Variants in DPYSL5 observed in about 807,000 individuals in gnomAD.
The protein encoded by DPYSL5 is dihydropyrimidinase like 5, also known as dihydropyrimidinase-related protein 5.
In DPYSL5, 9 loss-of-function variants were observed where a neutral mutation model predicts 58.4. That is an observed-to-expected ratio of 0.15 (90% CI 0.09 to 0.27). The LOEUF (loss-of-function observed/expected upper bound fraction) is 0.27, where lower values mean the gene tolerates loss of function less well. Ranked by LOEUF, DPYSL5 falls within the 10% of genes least tolerant of loss-of-function variation. The pLI, the probability that DPYSL5 is intolerant of heterozygous loss-of-function variation, is 1.00. For synonymous variants in DPYSL5, 293 were observed against 301.9 expected, an observed-to-expected ratio of 0.97 and a Z score of 0.31; for missense variants, 499 against 770.6, an observed-to-expected ratio of 0.65 and a Z score of 4.17.
At chr2:26,876,167 C>T (rs991168060) in intron 1 of DPYSL5, among the ~76,000 whole-genome samples, 3 of 152,202 alleles carry the variant, frequency 2.0e-5, no homozygotes, top group Non-Finnish European at 4.4e-5. Context: ...CCAAGTAGGC[C>T]AGGTTACAGA....
At chr2:26,858,800 C>G (rs1665942958) in intron 1 of DPYSL5, among the ~76,000 whole-genome samples, 1 of 150,024 alleles carries the variant, frequency 6.7e-6, no homozygotes, top group Non-Finnish European at 1.5e-5. Context: ...TCTTGAACTG[C>G]TGGTCTCAAG....
chr2:26,922,692 C>G (rs1664733031), intron 2 of DPYSL5, among the ~76,000 whole-genome samples: 2 of 152,310 alleles, frequency 1.3e-5, no homozygotes, highest in Non-Finnish European at 2.9e-5. Context: ...TATACACCCC[C>G]ACGTGCACAT....
chr2:26,918,367 T>A (rs1664626198), intron 2 of DPYSL5, among the ~76,000 whole-genome samples: 1 of 152,118 alleles, frequency 6.6e-6, no homozygotes, highest in African/African-American at 2.4e-5. Context: ...TCACATCCCA[T>A]GGTGATGTTC....
At position 26,877,658 on chromosome 2, in the gene DPYSL5, A is replaced by G. The variant is rs1663447714; in HGVS notation, c.-4-20838A>G. Among the ~76,000 whole-genome samples, 1 of 152,236 alleles carries G rather than the reference A, an allele frequency of 6.6e-6. No homozygotes were observed. ...TTAACTCATCTGTATTTGTATAACA[A>G]TATTTTTAAAATTATATAGTACCAA... On this transcript the variant is annotated intron_variant, in intron 1 of 12. Transcript: ENST00000288699. The surrounding 1 kb of genome is among the most constrained non-coding windows in gnomAD (Gnocchi z 4.1).
At chr2:26,884,162 C>A (rs914710765) in intron 1 of DPYSL5, among the ~76,000 whole-genome samples, 1 of 152,142 alleles carries the variant, frequency 6.6e-6, no homozygotes, top group East Asian at 1.9e-4. Context: ...GAGTCGGTGC[C>A]GGGTGGGCGA....
intron 1 of DPYSL5, among the ~76,000 whole-genome samples, chr2:26,891,873 A>G (rs1663888571): frequency 1.3e-5 from 2 of 152,070 alleles, no homozygotes; most frequent in Admixed American, 6.5e-5. Context: ...GAGTTTTATC[A>G]TGTTGGCCAA....
At chr2:26,855,163 C>T (rs910860845) in intron 1 of DPYSL5, among the ~76,000 whole-genome samples, 32 of 151,396 alleles carry the variant, frequency 2.1e-4, no homozygotes, top group African/African-American at 7.5e-4. Flanking sequence ...GGCGCGGTGG[C>T]TCATGCCTGA....
chr2:26,898,532 C>T lies in DPYSL5; in HGVS notation c.33C>T (p.Leu11=), dbSNP rs753828294. 17 of 1,614,192 alleles carry T rather than the reference C, an allele frequency of 1.1e-5. 1 individual carries two copies. The Middle Eastern group carries it at 4.9e-4, about 47-fold the overall frequency. MLANSASVRI[L]IKGGKVVNDD... Reference sequence around the variant, plus strand: ...CCAACTCAGCCAGCGTGAGGATCCTCATCAAGGGAGGCAAGGTGGTGAACG... The same window carrying T: ...CCAACTCAGCCAGCGTGAGGATCCTTATCAAGGGAGGCAAGGTGGTGAACG... Residue 11 remains leucine (L), a synonymous_variant, in exon 2 of 13, where the codon CTC becomes CTT. Transcript: ENST00000288699. The surrounding 1 kb of genome is among the most constrained non-coding windows in gnomAD (Gnocchi z 6.1).
Position 26,942,552 on chromosome 2 carries a change from A to G in DPYSL5, c.1242A>G (p.Ser414=), listed in dbSNP as rs199907478. 6.2e-7 allele frequency: 1 copy of G among 1,613,960 alleles called. No homozygotes were observed. Among genetic ancestry groups the G allele is most frequent in the East Asian group, 2.2e-5 (1 of 44,874 alleles). ...ATTGCCTCCCCACCAGGACCATCTC[A>G]GCCAGCACGCAGGTCCAGGGAGGAG... ...VWDPEATKTI[S]ASTQVQGGDF... Residue 414 remains serine (S), a synonymous_variant, in exon 11 of 13, where the codon TCA becomes TCG. Coordinates refer to ENST00000288699, the MANE Select transcript of DPYSL5 (RefSeq NM_020134.4). The surrounding 1 kb of genome is among the most constrained non-coding windows in gnomAD (Gnocchi z 5.9).
chr2:26,916,951 C>G (rs935179888), intron 2 of DPYSL5, among the ~76,000 whole-genome samples: 1 of 152,238 alleles, frequency 6.6e-6, no homozygotes. Context: ...GTGCTACCTA[C>G]AAATTATGCT....
Position 26,946,903 on chromosome 2 carries a change from C to G in DPYSL5, c.1610-7C>G, listed in dbSNP as rs943416322. The G allele has an allele frequency of 6.2e-7, 1 of 1,613,298 alleles. No homozygotes were observed. The highest frequency in any genetic ancestry group is 1.3e-5 in the African/African-American group (1 of 74,936). On this transcript the variant is annotated splice_region_variant and splice_polypyrimidine_tract_variant and intron_variant, in intron 12 of 12. Coordinates refer to ENST00000288699, the MANE Select transcript of DPYSL5 (RefSeq NM_020134.4). Reference sequence around the variant, plus strand: ...CCGTCTCACCCTCTGTGCTTCCTTCCCTGCAGGCTCTCAGATCGATGACCA... The same window carrying G: ...CCGTCTCACCCTCTGTGCTTCCTTCGCTGCAGGCTCTCAGATCGATGACCA...
rs887656026 is a variant in DPYSL5 at position 26,934,468 on chromosome 2, C to T, written c.791-110C>T. 3 of 1,349,388 alleles carry T rather than the reference C, an allele frequency of 2.2e-6. No homozygotes were observed. The East Asian group carries it at 7.0e-5, about 32-fold the overall frequency. 83.6% of individuals were successfully genotyped at this position (1,349,388 alleles called of 1,614,324 possible). On this transcript the variant is annotated intron_variant, in intron 7 of 12. Transcript: ENST00000288699. The surrounding 1 kb of genome is among the most constrained non-coding windows in gnomAD (Gnocchi z 4.3). Reference sequence around the variant, plus strand: ...AAAGCCCTGTGAGCTTGGGCAGGTCCCTTCCTGTCTCTGACCTCAGCTCCT... The same window carrying T: ...AAAGCCCTGTGAGCTTGGGCAGGTCTCTTCCTGTCTCTGACCTCAGCTCCT...
chr2:26,937,474 T>C (rs750807488), intron 8 of DPYSL5, among the ~76,000 whole-genome samples: 3 of 152,210 alleles, frequency 2.0e-5, no homozygotes, highest in African/African-American at 4.8e-5. Flanking sequence ...TGATGCAAGA[T>C]ACTTGATAGA....
At chr2:26,895,171 A>AT (rs1456840822) in intron 1 of DPYSL5, among the ~76,000 whole-genome samples, 1 of 152,216 alleles carries the variant, frequency 6.6e-6, no homozygotes, top group South Asian at 2.1e-4. Flanking sequence ...AAGTAGACTG[A>AT]TTCCTCTGAC....
intron 1 of DPYSL5, among the ~76,000 whole-genome samples, chr2:26,882,443 GTGTGTGTGTGTGTA>G (rs1362640796): frequency 4.0e-5 from 6 of 151,634 alleles, no homozygotes; most frequent in Admixed American, 3.3e-4. Flanking sequence ...GTGTGTGTGT[GTGTGTGTGTGTGTA>G]TGTGTGTGTA....
Position 26,949,717 on chromosome 2 carries a change from A to G in DPYSL5, c.*2722A>G, listed in dbSNP as rs1028803976. 6.6e-6 allele frequency: 1 copy of G among 152,382 alleles called. No individual in the cohort carries two copies. Among genetic ancestry groups the G allele is most frequent in the Non-Finnish European group, 1.5e-5 (1 of 68,252 alleles). The allele number at this position is 152,382 out of a possible 1,614,324, so 9.4% of individuals were successfully genotyped here. ...TGCGCTTCATCCACCCCCAGTCCCT[A>G]CATAGGCCCTACCCTTGCCCGGGAG... is the stretch of plus-strand genomic sequence containing the variant. On this transcript the variant is annotated 3_prime_UTR_variant, in exon 13 of 13. Transcript: ENST00000288699.
At position 26,925,780 on chromosome 2, in the gene DPYSL5, T is replaced by A. The variant is rs1664816618; in HGVS notation, c.420+735T>A. ...TCGATTTGGCTTTGTTTCTGGGGTT[T>A]TTCTGCTTTTTTGCCCAGGGTAGCA... On this transcript the variant is annotated intron_variant, in intron 3 of 12. Coordinates refer to ENST00000288699, the MANE Select transcript of DPYSL5 (RefSeq NM_020134.4). The surrounding 1 kb of genome is among the most constrained non-coding windows in gnomAD (Gnocchi z 4.5). 7.9e-6 allele frequency among the ~76,000 whole-genome samples: 1 copy of A among 126,802 alleles called. No homozygotes were observed. The highest frequency in any genetic ancestry group is 1.8e-5 in the Non-Finnish European group (1 of 56,978). 83.2% of individuals were successfully genotyped at this position (126,802 alleles called of 152,430 possible).
chr2:26,874,857 A>G (rs1352888086), intron 1 of DPYSL5, among the ~76,000 whole-genome samples: 2 of 152,230 alleles, frequency 1.3e-5, no homozygotes, highest in Non-Finnish European at 2.9e-5. Flanking sequence ...GAGCTTATCA[A>G]TATCCACAAA....
intron 1 of DPYSL5, among the ~76,000 whole-genome samples, chr2:26,863,631 G>A (rs1263435436): frequency 1.3e-5 from 2 of 152,154 alleles, no homozygotes; most frequent in African/African-American, 4.8e-5. Context: ...TCACAGAGTT[G>A]TGTAGTCATC....
Sources: allele counts gnomAD v4.1 joint callset (sites outside exome capture counted in the v4.1 genomes callset), GRCh38; gene constraint gnomAD v4.1.1; non-coding constraint Gnocchi (gnomAD v3.1); transcripts MANE v1.5; gene names NCBI Gene and HGNC (gene_info 2026-07-23, HGNC 2026-07-21).